The following CDH12 variants were observed in gnomAD, a reference collection of about 807,000 sequenced individuals.
CDH12 encodes the protein cadherin-12.
Under a neutral mutation model 74.1 loss-of-function variants are expected in CDH12, and 41 were observed. That is an observed-to-expected ratio of 0.55 (90% CI 0.43 to 0.72). The LOEUF (loss-of-function observed/expected upper bound fraction) is 0.72. CDH12 is among the 30% of genes least tolerant of loss of function. The pLI, the probability that CDH12 is intolerant of heterozygous loss-of-function variation, is 0.00. For synonymous variants in CDH12, 399 were observed against 355.0 expected (o/e 1.12, Z -1.39); for missense variants, 945 against 977.2 (o/e 0.97, Z 0.44).
chr5:22,823,847 G>A (rs550596607), intron 1 of CDH12, among the ~76,000 whole-genome samples: 23 of 152,180 alleles, frequency 1.5e-4, no homozygotes, highest in African/African-American at 5.5e-4. Flanking sequence ...GTTTTCTGAT[G>A]CTTCCCCAGC....
intron 1 of CDH12, among the ~76,000 whole-genome samples, chr5:22,585,530 T>C (rs1191596555): frequency 6.6e-6 from 1 of 152,112 alleles, no homozygotes; most frequent in East Asian, 1.9e-4. Flanking sequence ...GAAAATCCCC[T>C]CCCTACTCAA....
At position 22,506,123 on chromosome 5, in the gene CDH12, G is replaced by A. The variant is rs548010195; in HGVS notation, c.-522-759C>T. 7.2e-5 allele frequency among the ~76,000 whole-genome samples: 11 copies of A among 152,122 alleles called. No homozygotes were observed. In the East Asian group the frequency reaches 1.7e-3, roughly 24 times the overall value. ...GCTGACTGGGGTACTGTTTGCCACC[G>A]TTTCGTACTATAAAGTTCCTTTTGT... On this transcript the variant is annotated intron_variant, in intron 1 of 14. Transcript: ENST00000382254.
chr5:21,898,460 T>G (rs1198582421), intron 6 of CDH12, among the ~76,000 whole-genome samples: 1 of 152,006 alleles, frequency 6.6e-6, no homozygotes, highest in Non-Finnish European at 1.5e-5. Context: ...CCCAGCACTT[T>G]GGGAGGCTGA....
intron 4 of CDH12, among the ~76,000 whole-genome samples, chr5:22,135,232 A>T (rs1746391549): frequency 6.6e-6 from 1 of 151,482 alleles, no homozygotes; most frequent in East Asian, 1.9e-4. Context: ...AAAAGAAAGA[A>T]AATCAGACCA....
chr5:22,252,417 G>A (rs1753167965), intron 3 of CDH12, among the ~76,000 whole-genome samples: 1 of 151,552 alleles, frequency 6.6e-6, no homozygotes, highest in Non-Finnish European at 1.5e-5. Flanking sequence ...TAAGAGATTA[G>A]AGGTTGGATT....
intron 3 of CDH12, among the ~76,000 whole-genome samples, chr5:22,331,925 T>C (rs2150446149): frequency 6.7e-6 from 1 of 149,780 alleles, no homozygotes; most frequent in African/African-American, 2.5e-5. Flanking sequence ...AAGAAATAAT[T>C]AGTGAGCTTG....
chr5:22,266,031 T>G (rs1190699933), intron 3 of CDH12, among the ~76,000 whole-genome samples: 1 of 143,278 alleles, frequency 7.0e-6, no homozygotes, highest in African/African-American at 2.6e-5. Context: ...TGCCAAAAGC[T>G]TTGTTGATTA....
At chr5:22,577,218 A>T (rs1739838847) in intron 1 of CDH12, among the ~76,000 whole-genome samples, 1 of 152,202 alleles carries the variant, frequency 6.6e-6, no homozygotes, top group Non-Finnish European at 1.5e-5. Context: ...TCTATAAAAA[A>T]ACGGGTTAAG....
chr5:22,644,339 A>C (rs1253718431), intron 1 of CDH12, among the ~76,000 whole-genome samples: 1 of 152,146 alleles, frequency 6.6e-6, no homozygotes, highest in Admixed American at 6.6e-5. Context: ...ATGAGTAATA[A>C]GAATGCAAAA....
At chr5:22,058,519 C>T (rs1740914768) in intron 5 of CDH12, among the ~76,000 whole-genome samples, 1 of 151,238 alleles carries the variant, frequency 6.6e-6, no homozygotes, top group Admixed American at 6.6e-5. Context: ...AATGATACTG[C>T]TTTTAGAGGG....
At chr5:22,714,854 T>G (rs1403854017) in intron 1 of CDH12, among the ~76,000 whole-genome samples, 1 of 152,178 alleles carries the variant, frequency 6.6e-6, no homozygotes, top group African/African-American at 2.4e-5. Context: ...ACAACGTACT[T>G]TGTTGGTATT....
intron 4 of CDH12, among the ~76,000 whole-genome samples, chr5:22,154,108 A>G (rs935956873): frequency 1.8e-4 from 21 of 117,638 alleles, no homozygotes; most frequent in African/African-American, 5.4e-4. Flanking sequence ...AGGTGTAATG[A>G]CAAAAAAATT....
intron 3 of CDH12, among the ~76,000 whole-genome samples, chr5:22,270,178 A>G (rs1482365467): frequency 1.3e-5 from 2 of 152,068 alleles, no homozygotes; most frequent in Non-Finnish European, 2.9e-5. Context: ...ACAGCCTGAC[A>G]CTCTCAAGAT....
intron 1 of CDH12, among the ~76,000 whole-genome samples, chr5:22,651,544 G>A (rs1446441013): frequency 1.3e-5 from 2 of 152,046 alleles, no homozygotes; most frequent in African/African-American, 4.8e-5. Context: ...ACTATCATGA[G>A]ACCAGCATGG....
intron 3 of CDH12, among the ~76,000 whole-genome samples, chr5:22,337,881 C>A (rs1357804911): frequency 6.6e-6 from 1 of 152,122 alleles, no homozygotes; most frequent in Non-Finnish European, 1.5e-5. Context: ...ATCATCTTAT[C>A]CCACTTAAAA....
chr5:21,771,196 G>GT (rs11465147), intron 11 of CDH12, among the ~76,000 whole-genome samples: 42,142 of 147,476 alleles, frequency 0.29, 6,895 homozygotes, highest in African/African-American at 0.45. Context: ...TAAAATGAAA[G>GT]TTTTTTTTTT....
At chr5:22,451,618 A>T (rs1745048472) in intron 2 of CDH12, among the ~76,000 whole-genome samples, 1 of 152,000 alleles carries the variant, frequency 6.6e-6, no homozygotes, top group Non-Finnish European at 1.5e-5. Context: ...ATACTGAGTG[A>T]GGAAAAGTTG....
chr5:22,070,506 A>C (rs1741868307), intron 5 of CDH12, among the ~76,000 whole-genome samples: 1 of 152,148 alleles, frequency 6.6e-6, no homozygotes, highest in Admixed American at 6.6e-5. Context: ...GGTGGGACAC[A>C]CCTAATCAGC....
In CDH12 at chr5:22,723,585, T is replaced by G. The variant is rs375169218; in HGVS notation, c.-523+129473A>C. ...ATTCCCCTTATTCTAGACAGAGCTC[T>G]AAAGCTTGGGATACCTCCTGGCACA... On this transcript the variant is annotated intron_variant, in intron 1 of 14. Transcript: ENST00000382254. Among the ~76,000 whole-genome samples the G allele has an allele frequency of 2.6e-5, 4 of 152,240 alleles. No homozygotes were observed. In the East Asian group the frequency reaches 7.7e-4, roughly 29 times the overall value.
Sources: allele counts gnomAD v4.1 joint callset (sites outside exome capture counted in the v4.1 genomes callset), GRCh38; gene constraint gnomAD v4.1.1; transcripts MANE v1.5; gene names NCBI Gene and HGNC (gene_info 2026-07-23, HGNC 2026-07-21).